Variants in TCTN3 observed in about 807,000 individuals in gnomAD.
TCTN3 encodes tectonic family member 3.
A neutral mutation model predicts 71.3 loss-of-function variants in TCTN3; 57 were observed. That is an observed-to-expected ratio of 0.80 (90% CI 0.65 to 1.00). The LOEUF (loss-of-function observed/expected upper bound fraction) is 1.00. TCTN3 is among the 50% of genes least tolerant of loss of function. The pLI, the probability that TCTN3 is intolerant of heterozygous loss-of-function variation, is 0.00. For synonymous variants in TCTN3, 258 were observed against 267.8 expected (o/e 0.96, Z 0.36); for missense variants, 696 against 719.9 (o/e 0.97, Z 0.38).
intron 13 of TCTN3, among the ~76,000 whole-genome samples, chr10:95,669,579 G>T (rs2097928819): frequency 6.6e-6 from 1 of 152,128 alleles, no homozygotes; most frequent in Non-Finnish European, 1.5e-5. Context: ...GGGTGTCTCA[G>T]ACCTTCCATG....
At chr10:95,683,005 T>C in intron 11 of TCTN3, 96 bp downstream of exon 11, 1 of 1,338,600 alleles carries the variant, frequency 7.5e-7, no homozygotes. Flanking sequence ...GACTAGCATT[T>C]TCCGAACTGT....
At chr10:95,692,485 G>C (rs535545950) in intron 3 of TCTN3, among the ~76,000 whole-genome samples, 1 of 151,438 alleles carries the variant, frequency 6.6e-6, no homozygotes, top group Non-Finnish European at 1.5e-5. Context: ...CACTCCTGGC[G>C]ATAGGTGGAG....
At chr10:95,664,481 T>G (rs2097924145) in intron 13 of TCTN3, among the ~76,000 whole-genome samples, 181 bp from the exon 14 acceptor site, 1 of 152,204 alleles carries the variant, frequency 6.6e-6, no homozygotes, top group Non-Finnish European at 1.5e-5. Context: ...ATGAATATCT[T>G]AGCAATAGTC....
intron 3 of TCTN3, among the ~76,000 whole-genome samples, chr10:95,691,303 C>T (rs530762581): frequency 6.6e-6 from 1 of 152,274 alleles, no homozygotes; most frequent in Admixed American, 6.5e-5. Flanking sequence ...CAGGTGCCCA[C>T]TACCATGCCT....
At chr10:95,683,227 A>G (rs774218315) in intron 10 of TCTN3, 32 bp from the exon 11 acceptor site, 18 of 1,590,166 alleles carry the variant, frequency 1.1e-5, no homozygotes, top group Middle Eastern at 1.7e-4. Context: ...CAAGGACATC[A>G]TAACAGAAAA....
Position 95,693,089 on chromosome 10 carries a change from C to A in TCTN3, c.381-51G>T, listed in dbSNP as rs2097955142. On this transcript the variant is annotated intron_variant, in intron 2 of 13. Transcript: ENST00000371217. ...TATATTTAGAAGGGGCGGGGCAGGTCCAAAAAAGAGTGTCCCAGCAATATC... is the reference window on the plus strand; with the variant it reads ...TATATTTAGAAGGGGCGGGGCAGGTACAAAAAAGAGTGTCCCAGCAATATC... 29 of 1,428,038 alleles carry A rather than the reference C, an allele frequency of 2.0e-5. No homozygotes were observed. The South Asian group carries it at 2.9e-4, about 14-fold the overall frequency. The allele number at this position is 1,428,038 out of a possible 1,614,324, so 88.5% of individuals were successfully genotyped here.
At chr10:95,673,393 T>C (rs943332410) in intron 13 of TCTN3, among the ~76,000 whole-genome samples, 1 of 152,174 alleles carries the variant, frequency 6.6e-6, no homozygotes, top group Non-Finnish European at 1.5e-5. Flanking sequence ...TTCCCCCATA[T>C]GTTTACCCAG....
chr10:95,673,912 T>C (rs927869359), intron 13 of TCTN3, among the ~76,000 whole-genome samples: 4 of 152,244 alleles, frequency 2.6e-5, no homozygotes, highest in Non-Finnish European at 5.9e-5. Flanking sequence ...ATGAACCTAT[T>C]TTTGAACTCT....
intron 13 of TCTN3, among the ~76,000 whole-genome samples, chr10:95,677,475 TTTTTTTTG>T (rs1257829240): frequency 0.015 from 736 of 50,268 alleles, 30 homozygotes; most frequent in Middle Eastern, 0.089. Flanking sequence ...AAGTCTACAG[TTTTTTTTG>T]TTTTTTTTTT....
chr10:95,690,204 G>A (rs1404818279), intron 3 of TCTN3, among the ~76,000 whole-genome samples: 4 of 151,872 alleles, frequency 2.6e-5, no homozygotes, highest in African/African-American at 4.8e-5. Flanking sequence ...GATTGTTCTC[G>A]AACTCCTGGG....
At chr10:95,682,911 G>C in intron 11 of TCTN3, 107 bp from the exon 12 acceptor site, 1 of 1,429,470 alleles carries the variant, frequency 7.0e-7, no homozygotes, top group Non-Finnish European at 9.5e-7. Flanking sequence ...AAATAGACCA[G>C]AGGGTATAAT....
chr10:95,683,218 A>G (rs749390558), intron 10 of TCTN3, 23 bp from the exon 11 acceptor site: 1 of 1,601,988 alleles, frequency 6.2e-7, no homozygotes, highest in Non-Finnish European at 8.5e-7. Context: ...AGTGATGATC[A>G]AGGACATCAT....
At chr10:95,686,325 A>C (rs2097948209) in intron 7 of TCTN3, among the ~76,000 whole-genome samples, 170 bp downstream of exon 7, 1 of 152,272 alleles carries the variant, frequency 6.6e-6, no homozygotes. Context: ...ATACGAGGCT[A>C]TTAACTGTAT....
At chr10:95,686,653 G>T in intron 6 of TCTN3, 123 bp from the exon 7 acceptor site, 1 of 886,248 alleles carries the variant, frequency 1.1e-6, no homozygotes, top group Non-Finnish European at 1.8e-6. Context: ...ATATTAGAAT[G>T]ATTTACTTCC....
intron 13 of TCTN3, among the ~76,000 whole-genome samples, chr10:95,676,072 T>C (rs1039822569): frequency 4.6e-5 from 7 of 152,166 alleles, no homozygotes; most frequent in Non-Finnish European, 7.4e-5. Context: ...GTATAAAACA[T>C]AGCCAACTTT....
intron 13 of TCTN3, among the ~76,000 whole-genome samples, chr10:95,679,983 G>A (rs2139729806): frequency 6.6e-6 from 1 of 152,324 alleles, no homozygotes; most frequent in East Asian, 1.9e-4. Flanking sequence ...GCTCTCCTAA[G>A]GCGCATAATA....
chr10:95,664,353 A>G, intron 13 of TCTN3, 53 bp from the exon 14 acceptor site: 5 of 1,447,336 alleles, frequency 3.5e-6, no homozygotes, highest in Non-Finnish European at 4.8e-6. Context: ...TTCATATAGC[A>G]CTCTAACTTG....
At chr10:95,666,261 TAGTG>T (rs1200847221) in intron 13 of TCTN3, among the ~76,000 whole-genome samples, 67 of 140,276 alleles carry the variant, frequency 4.8e-4, no homozygotes, top group South Asian at 1.4e-3. Context: ...TTTTTTAACA[TAGTG>T]AGGCTCATGA....
At position 95,687,652 on chromosome 10, in the gene TCTN3, C is replaced by T. The variant is rs1301847320; in HGVS notation, c.567G>A (p.Glu189=). ...NATNFQALAA[E]FGGESFTSTF... is the part of the protein sequence containing the mutation. ...TTGAAGTGAATGATTCGCCTCCAAA[C>T]TCTGCAGCCAGGGCCTGGAAGTTGG... is the stretch of plus-strand genomic sequence containing the variant. Residue 189 remains glutamate (E), a synonymous_variant, in exon 4 of 14, where the codon GAG becomes GAA. Coordinates refer to ENST00000371217, the MANE Select transcript of TCTN3 (RefSeq NM_015631.6). 1 of 1,614,186 alleles carries T rather than the reference C, an allele frequency of 6.2e-7. No individual in the cohort carries two copies. The highest frequency in any genetic ancestry group is 8.5e-7 in the Non-Finnish European group (1 of 1,180,002).
Sources: allele counts gnomAD v4.1 joint callset (sites outside exome capture counted in the v4.1 genomes callset), GRCh38; gene constraint gnomAD v4.1.1; transcripts MANE v1.5; gene names NCBI Gene and HGNC (gene_info 2026-07-23, HGNC 2026-07-21).